Variants in SGK2 observed in about 807,000 individuals in gnomAD.
SGK2 encodes serum/glucocorticoid regulated kinase 2, also known as serine/threonine-protein kinase Sgk2.
A neutral mutation model predicts 47.5 loss-of-function variants in SGK2; 36 were observed. That is an observed-to-expected ratio of 0.76 (90% confidence interval 0.58 to 1.00). The LOEUF is 1.00. Ranked by LOEUF, SGK2 falls within the 50% of genes least tolerant of loss-of-function variation. SGK2 has a pLI of 0.00. For synonymous variants in SGK2, 157 were observed against 181.9 expected (o/e 0.86, Z 1.10); for missense variants, 404 against 467.4 (o/e 0.86, Z 1.25).
chr20:43,566,071 C>A (rs562232245), intron 1 of SGK2: 5 of 414,866 alleles, frequency 1.2e-5, no homozygotes, highest in Admixed American at 7.9e-5. Flanking sequence ...TTTTAGGCCA[C>A]AGGCCTTCCA....
chr20:43,567,701 C>T lies in SGK2; in HGVS notation c.123C>T (p.Ile41=), dbSNP rs764458972. 14 of 1,614,034 alleles carry T rather than the reference C, an allele frequency of 8.7e-6. No homozygotes were observed. The highest frequency in any genetic ancestry group is 3.3e-5 in the Admixed American group (2 of 59,996). Residue 41 remains isoleucine (I), a synonymous_variant, in exon 4 of 13, where the codon ATC becomes ATT. Coordinates refer to ENST00000373100, the MANE Select transcript of SGK2 (RefSeq NM_170693.3). ...QPTDFDFLKV[I]GKGNYGKVLL... ...CGGACTTCGACTTCCTCAAAGTCAT[C>T]GGCAAAGGGAACTACGGGAAGGTGA...
chr20:43,570,972 C>T, intron 7 of SGK2, 52 bp from the exon 8 acceptor site: 1 of 1,612,088 alleles, frequency 6.2e-7, no homozygotes, highest in Non-Finnish European at 8.5e-7. Context: ...CTCCAACTCT[C>T]CTCACTAAAT....
At position 43,580,035 on chromosome 20, in the gene SGK2, C is replaced by G. The variant is rs891003647; in HGVS notation, c.913C>G (p.Leu305Val). 1.9e-6 allele frequency: 3 copies of G among 1,606,468 alleles called. No homozygotes were observed. The highest frequency in any genetic ancestry group is 2.6e-6 in the Non-Finnish European group (3 of 1,176,348). The change falls in exon 12 of 13, where the codon CTA becomes GTA. Residue 305 changes from leucine to valine, a missense_variant. Transcript: ENST00000373100. ...CTGGGATGACCTGTACCACAAGAGG[C>G]TAACTCCACCCTTCAACCCAAATGT... ...INWDDLYHKR[L>V]TPPFNPNVTG...
At chr20:43,584,753 GGGCACTCACAGA>G (rs1234314548) in intron 12 of SGK2, 87 bp from the exon 13 acceptor site, 1 of 847,254 alleles carries the variant, frequency 1.2e-6, no homozygotes, top group Admixed American at 2.2e-5. Flanking sequence ...GTGAAGCATG[GGGCACTCACAGA>G]GGCCTGACAT....
intron 9 of SGK2, among the ~76,000 whole-genome samples, chr20:43,573,211 A>G (rs1980247334): frequency 1.3e-5 from 2 of 152,246 alleles, no homozygotes; most frequent in Admixed American, 6.5e-5. Flanking sequence ...TCTTTGGGCC[A>G]GGCGTGGTGG....
rs1172172653 is a variant in SGK2 at position 43,567,712 on chromosome 20, A to G, written c.134A>G (p.Asn45Ser). ...FDFLKVIGKG[N>S]YGKVLLAKRK... The stretch of plus-strand genomic sequence containing the variant: ...TTCCTCAAAGTCATCGGCAAAGGGA[A>G]CTACGGGAAGGTGAGTGACTTGGTG... The change falls in exon 4 of 13, where the codon AAC becomes AGC. Residue 45 changes from asparagine to serine, a missense_variant. Transcript: ENST00000373100. 3 of 1,614,114 alleles carry G rather than the reference A, an allele frequency of 1.9e-6. No homozygotes were observed. Among genetic ancestry groups the G allele is most frequent in the Non-Finnish European group, 2.5e-6 (3 of 1,180,006 alleles).
intron 1 of SGK2, 137 bp from the exon 2 acceptor site, chr20:43,566,336 G>A (rs373813785): frequency 3.0e-5 from 49 of 1,611,912 alleles, no homozygotes; most frequent in Non-Finnish European, 3.8e-5. Context: ...TGCTTACCTC[G>A]GGTAGGAAAC....
At chr20:43,561,863 G>T (rs1488842659) in intron 1 of SGK2, among the ~76,000 whole-genome samples, 1 of 152,202 alleles carries the variant, frequency 6.6e-6, no homozygotes, top group East Asian at 1.9e-4. Context: ...ATCCATTCAA[G>T]TGACAATGGG....
At chr20:43,571,215 C>T (rs1185335587) in intron 8 of SGK2, among the ~76,000 whole-genome samples, 155 bp downstream of exon 8, 1 of 152,106 alleles carries the variant, frequency 6.6e-6, no homozygotes, top group African/African-American at 2.4e-5. Context: ...TGTGTGTGCC[C>T]ATGCACATGT....
At chr20:43,563,135 CAAA>C (rs796539305) in intron 1 of SGK2, among the ~76,000 whole-genome samples, 5 of 70,638 alleles carry the variant, frequency 7.1e-5, no homozygotes, top group East Asian at 4.1e-4. Context: ...GACTCTGTCT[CAAA>C]AAAAAAAAAA....
intron 8 of SGK2, 43 bp downstream of exon 8, chr20:43,571,103 A>C (rs3138665): frequency 8.1e-7 from 1 of 1,235,992 alleles, no homozygotes; most frequent in Non-Finnish European, 1.1e-6. Context: ...GTGTGTGTGT[A>C]TGTGGTTGCA....
intron 9 of SGK2, among the ~76,000 whole-genome samples, chr20:43,574,175 T>C (rs936047267): frequency 6.6e-6 from 1 of 152,140 alleles, no homozygotes; most frequent in Admixed American, 6.5e-5. Context: ...ACACAGTCTC[T>C]CAGAGCAGCT....
Position 43,569,511 on chromosome 20 carries a change from G to T in SGK2, c.355G>T (p.Gly119Ter), listed in dbSNP as rs752991711. 4.3e-6 allele frequency: 7 copies of T among 1,612,786 alleles called. No individual in the cohort carries two copies. Among genetic ancestry groups the T allele is most frequent in the Non-Finnish European group, 5.1e-6 (6 of 1,179,990 alleles). Residue 119 changes from glycine (G) to a stop codon, truncating the protein, a stop_gained, in exon 6 of 13, where the codon GGA becomes TGA. Coordinates refer to ENST00000373100, the MANE Select transcript of SGK2 (RefSeq NM_170693.3). LOFTEE classifies it high-confidence loss of function. ...CTTCGTGCTCGACTATGTCAACGGG[G>T]GAGAGGTGGGTGGGCCCACAGGGAG... ...LYFVLDYVNGGELFFHLQRER... is the reference protein window; with the variant it reads ...LYFVLDYVNG
At chr20:43,573,254 C>T (rs1025120737) in intron 9 of SGK2, among the ~76,000 whole-genome samples, 2 of 152,158 alleles carry the variant, frequency 1.3e-5, no homozygotes, top group East Asian at 1.9e-4. Flanking sequence ...TTTGGTAGGC[C>T]GAGGCAGGCA....
At chr20:43,570,955 C>A in intron 7 of SGK2, 69 bp from the exon 8 acceptor site, 1 of 1,610,048 alleles carries the variant, frequency 6.2e-7, no homozygotes, top group Admixed American at 1.7e-5. Flanking sequence ...CCACCCCCCG[C>A]CCAGGTCTCC....
rs1980370236 is a variant in SGK2, at chr20:43,574,902, C to T, written c.598-7C>T. On this transcript the variant is annotated splice_region_variant and splice_polypyrimidine_tract_variant and intron_variant, in intron 9 of 12. Transcript: ENST00000373100. ...TTATTTCAAATAAGTGTGTTTCCTT[C>T]TAACAGTACTTGGCACCTGAAGTGC... 3 of 1,609,940 alleles carry T rather than the reference C, an allele frequency of 1.9e-6. No homozygotes were observed. In the African/African-American group the frequency reaches 4.0e-5, roughly 22 times the overall value.
At position 43,567,960 on chromosome 20, in the gene SGK2, G is replaced by A; in HGVS notation, c.189G>A (p.Val63=). Residue 63 remains valine (V), a synonymous_variant, in exon 5 of 13, where the codon GTG becomes GTA. Transcript: ENST00000373100. ...KRKSDGAFYA[V]KVLQKKSILK... ...AGTCTGATGGGGCGTTCTATGCAGT[G>A]AAGGTACTACAGAAAAAGTCCATCT... 2 of 1,614,214 alleles carry A rather than the reference G, an allele frequency of 1.2e-6. No homozygotes were observed.
rs1980370640 is a variant in SGK2 at position 43,574,911 on chromosome 20, C to T, written c.600C>T (p.Tyr200=). The T allele has an allele frequency of 2.5e-6, 4 of 1,612,282 alleles. No homozygotes were observed. Among genetic ancestry groups the T allele is most frequent in the South Asian group, 1.1e-5 (1 of 91,054 alleles). Residue 200 remains tyrosine (Y), a splice_region_variant and synonymous_variant, in exon 10 of 13, where the codon TAC becomes TAT. Transcript: ENST00000373100. The part of the protein sequence containing the change: ...TTSTFCGTPE[Y]LAPEVLRKEP... ...ATAAGTGTGTTTCCTTCTAACAGTA[C>T]TTGGCACCTGAAGTGCTTCGGAAAG...
At chr20:43,561,063 T>G (rs1311723434) in intron 1 of SGK2, among the ~76,000 whole-genome samples, 1 of 152,218 alleles carries the variant, frequency 6.6e-6, no homozygotes, top group Non-Finnish European at 1.5e-5. Context: ...GTTTTAGCAC[T>G]GAAACCCATC....
Sources: allele counts gnomAD v4.1 joint callset (sites outside exome capture counted in the v4.1 genomes callset), GRCh38; gene constraint gnomAD v4.1.1; transcripts MANE v1.5; gene names NCBI Gene and HGNC (gene_info 2026-07-23, HGNC 2026-07-21).